The following VRK2 variants were observed in gnomAD, a reference collection of about 807,000 sequenced individuals.
VRK2 encodes the protein serine/threonine-protein kinase VRK2.
VRK2 carries 60 observed loss-of-function variants against 57.6 expected under a neutral mutation model. The ratio of observed to expected loss-of-function variants is 1.04; its 90% CI spans 0.85 to 1.29. VRK2 has a LOEUF of 1.29. Ranked by LOEUF, VRK2 falls within the 50% of genes most tolerant of loss-of-function variation. The pLI, the probability that VRK2 is intolerant of heterozygous loss-of-function variation, is 0.00. For synonymous variants in VRK2, 231 were observed against 199.2 expected (o/e 1.16, Z -1.35); for missense variants, 705 against 588.1 (o/e 1.20, Z -2.06).
chr2:58,137,008 T>A (rs1322752428), intron 10 of VRK2, among the ~76,000 whole-genome samples: 8 of 126,892 alleles, frequency 6.3e-5, no homozygotes, highest in African/African-American at 1.4e-4. Context: ...ATCATATATA[T>A]TATATATATC....
chr2:58,052,456 T>C (rs974416322), intron 2 of VRK2, among the ~76,000 whole-genome samples: 1 of 151,878 alleles, frequency 6.6e-6, no homozygotes, highest in African/African-American at 2.4e-5. Flanking sequence ...CACAAAAAAT[T>C]AGCTGGTTGT....
intron 3 of VRK2, chr2:58,033,772 C>G (rs559971716): frequency 6.6e-6 from 1 of 152,032 alleles, no homozygotes; most frequent in East Asian, 1.9e-4. Flanking sequence ...TTCAAAGAAG[C>G]TATGTAGTCT....
At chr2:58,080,741 T>C (rs1670745181) in intron 2 of VRK2, among the ~76,000 whole-genome samples, 1 of 151,932 alleles carries the variant, frequency 6.6e-6, no homozygotes. Context: ...CATCACTAGA[T>C]TCTAGGTTTG....
intron 2 of VRK2, among the ~76,000 whole-genome samples, chr2:58,052,948 A>G (rs1675974617): frequency 6.6e-6 from 1 of 152,250 alleles, no homozygotes; most frequent in Non-Finnish European, 1.5e-5. Context: ...TTATGTAAGT[A>G]AAAGATATGA....
At chr2:58,125,394 T>A (rs1385602886) in intron 8 of VRK2, among the ~76,000 whole-genome samples, 1 of 152,126 alleles carries the variant, frequency 6.6e-6, no homozygotes, top group Non-Finnish European at 1.5e-5. Flanking sequence ...CTACTTATAT[T>A]TTTTATTCTA....
intron 1 of VRK2, among the ~76,000 whole-genome samples, chr2:58,010,686 T>C (rs927189635): frequency 6.6e-6 from 1 of 152,180 alleles, no homozygotes; most frequent in South Asian, 2.1e-4. Context: ...TTCTGATCTT[T>C]CTGCACAGTT....
At chr2:57,938,466 G>T (rs116361341) in intron 1 of VRK2, among the ~76,000 whole-genome samples, 2 of 148,448 alleles carry the variant, frequency 1.3e-5, no homozygotes, top group African/African-American at 5.1e-5. Flanking sequence ...CAAGGTGATA[G>T]GAGATTTAAA....
At chr2:58,046,601 A>G, upstream of VRK2, 1 of 985,486 alleles carries the variant, frequency 1.0e-6, no homozygotes, top group Non-Finnish European at 1.2e-6. Context: ...CCCATTCCCC[A>G]TGTAGCCGCG....
At chr2:58,075,943 C>T (rs1231445579) in intron 2 of VRK2, among the ~76,000 whole-genome samples, 5 of 145,658 alleles carry the variant, frequency 3.4e-5, no homozygotes, top group Non-Finnish European at 6.2e-5. Flanking sequence ...CTTGTAACCT[C>T]AGTTCTCTGA....
intron 1 of VRK2, among the ~76,000 whole-genome samples, chr2:58,004,420 T>C (rs1043642433): frequency 6.6e-6 from 1 of 152,146 alleles, no homozygotes; most frequent in South Asian, 2.1e-4. Context: ...TACCAAAAGC[T>C]TTTTATTAGA....
intron 8 of VRK2, among the ~76,000 whole-genome samples, chr2:58,127,142 C>CT (rs908988802): frequency 5.9e-5 from 9 of 151,742 alleles, no homozygotes; most frequent in Non-Finnish European, 7.4e-5. Context: ...ATATTGCATA[C>CT]TTTTTTTTAA....
chr2:58,091,540 A>G (rs1672375569), intron 7 of VRK2, among the ~76,000 whole-genome samples: 1 of 152,156 alleles, frequency 6.6e-6, no homozygotes, highest in South Asian at 2.1e-4. Context: ...AAAGAGTTAA[A>G]TGATTGAGTC....
At chr2:58,014,463 T>C (rs1673514662) in intron 1 of VRK2, among the ~76,000 whole-genome samples, 1 of 152,242 alleles carries the variant, frequency 6.6e-6, no homozygotes, top group African/African-American at 2.4e-5. Flanking sequence ...TTAGCTTCAG[T>C]GCAAGGGAAA....
chr2:58,035,672 T>C (rs1295954326), intron 3 of VRK2, among the ~76,000 whole-genome samples: 2 of 152,048 alleles, frequency 1.3e-5, no homozygotes, highest in Non-Finnish European at 2.9e-5. Flanking sequence ...ATTGCTAACT[T>C]TACTTCTAGG....
At chr2:57,926,899 G>T (rs1340668923) in intron 1 of VRK2, among the ~76,000 whole-genome samples, 1 of 150,322 alleles carries the variant, frequency 6.7e-6, no homozygotes, top group Non-Finnish European at 1.5e-5. Context: ...CTACCATTTT[G>T]TTATTTGTTT....
intron 5 of VRK2, among the ~76,000 whole-genome samples, chr2:58,087,541 A>G (rs1671800130): frequency 6.6e-6 from 1 of 152,216 alleles, no homozygotes; most frequent in African/African-American, 2.4e-5. Flanking sequence ...ATGCATAGAT[A>G]TAGAATAGGG....
intron 1 of VRK2, among the ~76,000 whole-genome samples, chr2:57,949,078 A>AGGGGGG (rs1671346718): frequency 3.5e-5 from 5 of 141,254 alleles, no homozygotes; most frequent in Admixed American, 7.1e-5. Flanking sequence ...GGTGGGGGAC[A>AGGGGGG]GGGGGCGGGA....
At position 57,970,075 on chromosome 2, in the gene VRK2, G is replaced by A. The variant is rs138746568; in HGVS notation, c.-438-55590G>A. On this transcript the variant is annotated intron_variant, in intron 1 of 15. Transcript: ENST00000417641. ...GATGGAGTATTACAAATGACAAAGG[G>A]CATATAAAATGTATATATATATTTA... Among the ~76,000 whole-genome samples the A allele has an allele frequency of 7.8e-4, 117 of 150,258 alleles. 3 individuals carry two copies. The East Asian group carries it at 0.02, about 26-fold the overall frequency.
At chr2:58,090,043 G>A (rs933870476) in intron 7 of VRK2, among the ~76,000 whole-genome samples, 3 of 152,282 alleles carry the variant, frequency 2.0e-5, no homozygotes, top group African/African-American at 4.8e-5. Context: ...ATGGATTTAT[G>A]TAGAGGTTAA....
Sources: gnomAD v4.1 joint callset for allele counts (sites outside exome capture counted in the v4.1 genomes callset) on GRCh38, gnomAD v4.1.1 for gene constraint, MANE v1.5 for transcripts, NCBI Gene and HGNC (gene_info 2026-07-23, HGNC 2026-07-21) for gene names.